Variants in MGLL observed in about 807,000 individuals in gnomAD.
The protein encoded by MGLL is lysophospholipase homolog.
Under a neutral mutation model 29.1 loss-of-function variants are expected in MGLL, and 7 were observed. The ratio of observed to expected loss-of-function variants is 0.24; its 90% confidence interval spans 0.14 to 0.45. MGLL has a LOEUF of 0.45. MGLL is among the 20% of genes least tolerant of loss of function. MGLL has a pLI of 0.99. For missense variants in MGLL, 356 were observed against 413.6 expected (o/e 0.86, Z 1.21); for synonymous variants, 148 against 168.3 (o/e 0.88, Z 0.93).
At position 127,734,673 on chromosome 3, in the gene MGLL, G is replaced by T. The variant is rs575769438; in HGVS notation, c.263-12107C>A. Among the ~76,000 whole-genome samples the T allele has an allele frequency of 2.0e-5, 3 of 152,206 alleles. No individual in the cohort carries two copies. The South Asian group carries it at 6.2e-4, about 32-fold the overall frequency. Reference sequence around the variant, plus strand: ...TCTTATCTTGGCTCTGTCCCAACTTGACAGCCCCCAGGTGAAGAGATCCAA... The same window carrying T: ...TCTTATCTTGGCTCTGTCCCAACTTTACAGCCCCCAGGTGAAGAGATCCAA... On this transcript the variant is annotated intron_variant, in intron 3 of 7. Coordinates refer to ENST00000265052, the MANE Select transcript of MGLL (RefSeq NM_007283.7).
At chr3:127,692,374 C>T (rs1454442697) in intron 7 of MGLL, 51 bp from the exon 8 acceptor site, 1 of 1,611,190 alleles carries the variant, frequency 6.2e-7, no homozygotes, top group Non-Finnish European at 8.5e-7. Context: ...GAGGCAGGTG[C>T]AGGGAGCGGA....
rs959547359 is a variant in MGLL at position 127,689,501 on chromosome 3, T to C, written c.*2697A>G. 6.6e-6 allele frequency: 1 copy of C among 152,334 alleles called. No homozygotes were observed. Among genetic ancestry groups the C allele is most frequent in the Non-Finnish European group, 1.5e-5 (1 of 68,128 alleles). 9.4% of individuals were successfully genotyped at this position (152,334 alleles called of 1,614,324 possible). The stretch of plus-strand genomic sequence containing the variant: ...CTTTCTGTAAAAAGCTTTTCAGGCA[T>C]GAAACCCATTTCTGTATGGACTGGG... On this transcript the variant is annotated 3_prime_UTR_variant, in exon 8 of 8. Coordinates refer to ENST00000265052, the MANE Select transcript of MGLL (RefSeq NM_007283.7).
intron 2 of MGLL, among the ~76,000 whole-genome samples, chr3:127,788,333 A>G (rs149675890): frequency 5.3e-5 from 8 of 152,190 alleles, no homozygotes; most frequent in Non-Finnish European, 8.8e-5. Flanking sequence ...ACCCCATTTT[A>G]CTGATGAGAA....
Position 127,737,630 on chromosome 3 carries a change from C to CTTTTTTTTTTT in MGLL, c.263-15075_263-15065dup, listed in dbSNP as rs774965066. ...GACACAGTGAAATCATCAACTGCTT[C>CTTTTTTTTTTT]TTTTTTTTTTTTTTTTTTTTTTTTT... On this transcript the variant is annotated intron_variant, in intron 3 of 7. Coordinates refer to ENST00000265052, the MANE Select transcript of MGLL (RefSeq NM_007283.7). Among the ~76,000 whole-genome samples, 549 of 68,590 alleles carry CTTTTTTTTTTT rather than the reference C, an allele frequency of 8.0e-3. 68 individuals are homozygous for CTTTTTTTTTTT. Among genetic ancestry groups the CTTTTTTTTTTT allele is most frequent in the Non-Finnish European group, 8.4e-3 (351 of 41,660 alleles). The allele number at this position is 68,590 out of a possible 152,430, so 45.0% of individuals were successfully genotyped here.
In MGLL at chr3:127,767,022, G is replaced by A. The variant is rs190925126; in HGVS notation, c.262+14767C>T. On this transcript the variant is annotated intron_variant, in intron 3 of 7. Transcript: ENST00000265052. ...GGAGGCAGAGATTGCAGGTAGGGCCGAGATTGCACCACTGCACTCCAGCCC... is the reference window on the plus strand; with the variant it reads ...GGAGGCAGAGATTGCAGGTAGGGCCAAGATTGCACCACTGCACTCCAGCCC... 7.3e-3 allele frequency among the ~76,000 whole-genome samples: 1,115 copies of A among 152,204 alleles called. 10 individuals are homozygous for A. The highest frequency in any genetic ancestry group is 0.01 in the South Asian group (50 of 4,826).
intron 2 of MGLL, among the ~76,000 whole-genome samples, chr3:127,788,146 A>AG (rs1296590478): frequency 6.6e-6 from 1 of 152,230 alleles, no homozygotes; most frequent in African/African-American, 2.4e-5. Context: ...GGCCTTTGAG[A>AG]GGACTGATTG....
chr3:127,735,953 T>A, intron 3 of MGLL: 8 of 1,471,006 alleles, frequency 5.4e-6, no homozygotes, highest in African/African-American at 2.8e-5. Flanking sequence ...TCTCTTAGAG[T>A]GCAAGCGTTA....
chr3:127,776,640 G>C (rs1183374707), intron 3 of MGLL, among the ~76,000 whole-genome samples: 1 of 152,184 alleles, frequency 6.6e-6, no homozygotes, highest in African/African-American at 2.4e-5. Context: ...GGCACTTACG[G>C]GCTCTCCACC....
chr3:127,759,176 C>T (rs986344498), intron 3 of MGLL, among the ~76,000 whole-genome samples: 3 of 152,172 alleles, frequency 2.0e-5, no homozygotes, highest in African/African-American at 7.2e-5. Context: ...CAACCTGCCT[C>T]GGTCTCCCAA....
intron 3 of MGLL, among the ~76,000 whole-genome samples, chr3:127,771,988 C>T (rs1323561858): frequency 6.6e-6 from 1 of 152,164 alleles, no homozygotes; most frequent in Non-Finnish European, 1.5e-5. Context: ...GTGGGTCTTA[C>T]ACCAACGTCT....
intron 2 of MGLL, among the ~76,000 whole-genome samples, chr3:127,815,626 T>A (rs1163837086): frequency 2.6e-5 from 4 of 152,198 alleles, no homozygotes; most frequent in Non-Finnish European, 5.9e-5. Flanking sequence ...GTTTGGGTCC[T>A]CTCCCCCACG....
At chr3:127,726,135 A>AGCAG (rs2076028330) in intron 3 of MGLL, among the ~76,000 whole-genome samples, 1 of 23,814 alleles carries the variant, frequency 4.2e-5, no homozygotes, top group Admixed American at 4.0e-4. Context: ...AAAGAAAGAA[A>AGCAG]GAAAGAAAGA....
chr3:127,758,322 T>C (rs1351415127), intron 3 of MGLL, among the ~76,000 whole-genome samples: 1 of 152,250 alleles, frequency 6.6e-6, no homozygotes. Flanking sequence ...AAGTCATTTA[T>C]TGCTGCTCAT....
At chr3:127,777,119 C>T (rs1201826738) in intron 3 of MGLL, among the ~76,000 whole-genome samples, 1 of 152,320 alleles carries the variant, frequency 6.6e-6, no homozygotes, top group Non-Finnish European at 1.5e-5. Flanking sequence ...CCTTGCTTCA[C>T]ACCTCACCCA....
At chr3:127,804,557 C>T (rs928630599) in intron 2 of MGLL, among the ~76,000 whole-genome samples, 4 of 152,200 alleles carry the variant, frequency 2.6e-5, no homozygotes, top group Non-Finnish European at 4.4e-5. Context: ...AGGGTGCTTT[C>T]CAACTCCTCA....
intron 3 of MGLL, among the ~76,000 whole-genome samples, chr3:127,741,971 C>T (rs1454486510): frequency 2.6e-5 from 4 of 152,164 alleles, no homozygotes; most frequent in East Asian, 1.9e-4. Context: ...TATTGTGGAG[C>T]ATTGAGAGTG....
intron 2 of MGLL, among the ~76,000 whole-genome samples, chr3:127,803,652 A>G (rs998264996): frequency 2.0e-5 from 3 of 152,182 alleles, no homozygotes; most frequent in African/African-American, 7.2e-5. Flanking sequence ...CACATTTACT[A>G]GCTGGTGTGA....
At chr3:127,735,399 A>G (rs2076225110) in intron 3 of MGLL, among the ~76,000 whole-genome samples, 2 of 152,252 alleles carry the variant, frequency 1.3e-5, no homozygotes, top group Admixed American at 1.3e-4. Flanking sequence ...CAAATGGATT[A>G]TCACACAGTA....
chr3:127,756,551 T>C (rs1028733577), intron 3 of MGLL, among the ~76,000 whole-genome samples: 1 of 152,230 alleles, frequency 6.6e-6, no homozygotes, highest in African/African-American at 2.4e-5. Flanking sequence ...CCCCATGGTA[T>C]GCTGTGGCCC....
Sources: gnomAD v4.1 joint callset for allele counts (sites outside exome capture counted in the v4.1 genomes callset) on GRCh38, gnomAD v4.1.1 for gene constraint, MANE v1.5 for transcripts, NCBI Gene and HGNC (gene_info 2026-07-23, HGNC 2026-07-21) for gene names.